Variants in CELF6 observed in about 807,000 individuals in gnomAD.
CELF6 encodes the protein CUGBP Elav-like family member 6.
A neutral mutation model predicts 53.1 loss-of-function variants in CELF6; 32 were observed. The observed-to-expected ratio is 0.60, with a 90% confidence interval of 0.46 to 0.81. The LOEUF (loss-of-function observed/expected upper bound fraction) is 0.81, where lower values mean the gene tolerates loss of function less well. Among genes scored for constraint, CELF6 ranks in the 30% least tolerant of loss-of-function variants. The pLI is 0.00. For synonymous variants in CELF6, 291 were observed against 288.8 expected, an observed-to-expected ratio of 1.01 and a Z score of -0.08; for missense variants, 539 against 669.5, an observed-to-expected ratio of 0.81 and a Z score of 2.15.
At chr15:72,316,688 T>C (rs914874303) in intron 1 of CELF6, among the ~76,000 whole-genome samples, 1 of 152,202 alleles carries the variant, frequency 6.6e-6, no homozygotes, top group Non-Finnish European at 1.5e-5. Flanking sequence ...TTTAGCCCTC[T>C]GTTTGTTCAG....
Position 72,284,946 on chromosome 15 carries a change from C to A in CELF6, c.*1425G>T, listed in dbSNP as rs534697222. The A allele has an allele frequency of 1.8e-4, 28 of 152,752 alleles. No homozygotes were observed. The highest frequency in any genetic ancestry group is 1.0e-3 in the Admixed American group (16 of 15,304). The allele number at this position is 152,752 out of a possible 1,614,324, so 9.5% of individuals were successfully genotyped here. A position where few individuals can be genotyped will look rare whatever the true frequency, so the allele number is the denominator to read the frequency against. On this transcript the variant is annotated 3_prime_UTR_variant, in exon 13 of 13. Coordinates refer to ENST00000287202, the MANE Select transcript of CELF6 (RefSeq NM_052840.5). ...CCTCCTGGGAAAAATATGTGCAAGGCCCTACAGGCCCAGGAAAGGCTGACC... is the reference window on the plus strand; with the variant it reads ...CCTCCTGGGAAAAATATGTGCAAGGACCTACAGGCCCAGGAAAGGCTGACC...
intron 3 of CELF6, among the ~76,000 whole-genome samples, chr15:72,301,754 T>TTTG (rs2088158372): frequency 6.7e-6 from 1 of 148,876 alleles, no homozygotes. Context: ...TTTTTTTTTT[T>TTTG]GAGACAGAGT....
At chr15:72,312,681 G>C (rs1263898095) in intron 2 of CELF6, among the ~76,000 whole-genome samples, 1 of 152,190 alleles carries the variant, frequency 6.6e-6, no homozygotes, top group Non-Finnish European at 1.5e-5. Context: ...TAGGGTTTCA[G>C]ACTTTTCTCT....
Position 72,288,747 on chromosome 15 carries a change from T to C in CELF6, c.1093+121A>G, listed in dbSNP as rs1181366619. 1.5e-5 allele frequency: 20 copies of C among 1,360,288 alleles called. No homozygotes were observed. The highest frequency in any genetic ancestry group is 1.6e-5 in the Non-Finnish European group (16 of 971,124). 84.3% of individuals were successfully genotyped at this position (1,360,288 alleles called of 1,614,324 possible). A position where few individuals can be genotyped will look rare whatever the true frequency, so the allele number is the denominator to read the frequency against. ...ACCCTCACCCCAAGAGAGGTCGTTCTGGGGGTAGGAGGGGATGGGAGGATC... is the reference window on the plus strand; with the variant it reads ...ACCCTCACCCCAAGAGAGGTCGTTCCGGGGGTAGGAGGGGATGGGAGGATC... On this transcript the variant is annotated intron_variant, in intron 9 of 12. Transcript: ENST00000287202. This position sits in a 1 kb window ranked among gnomAD's most constrained non-coding sequence, Gnocchi z 4.6.
chr15:72,311,182 G>A (rs1482018095), intron 2 of CELF6, among the ~76,000 whole-genome samples: 2 of 149,414 alleles, frequency 1.3e-5, no homozygotes, highest in Non-Finnish European at 3.0e-5. Flanking sequence ...TGTATTTTTA[G>A]TAGAGACGGG....
At chr15:72,295,600 G>T (rs1272320211) in intron 3 of CELF6, among the ~76,000 whole-genome samples, 2 of 151,244 alleles carry the variant, frequency 1.3e-5, no homozygotes, top group Non-Finnish European at 2.9e-5. Flanking sequence ...GTGGTGGTGG[G>T]TGCCTGTAAT....
Position 72,320,136 on chromosome 15 carries a change from C to T in CELF6, c.-262G>A, listed in dbSNP as rs1163092193. ...TGGCTTGAGGTCCCCGTGCGGCTCT[C>T]TCTGGGCTCCCGCCCGAGCTCTCCC... On this transcript the variant is annotated 5_prime_UTR_variant, in exon 1 of 13. Transcript: ENST00000287202. The T allele has an allele frequency of 1.6e-6, 1 of 638,974 alleles. No individual in the cohort carries two copies. Among genetic ancestry groups the T allele is most frequent in the Admixed American group, 2.1e-5 (1 of 47,848 alleles). The allele number at this position is 638,974 out of a possible 1,614,324, so 39.6% of individuals were successfully genotyped here. A position where few individuals can be genotyped will look rare whatever the true frequency, so the allele number is the denominator to read the frequency against.
intron 3 of CELF6, among the ~76,000 whole-genome samples, chr15:72,294,746 C>T (rs1029533250): frequency 6.0e-5 from 9 of 150,242 alleles, no homozygotes; most frequent in African/African-American, 2.0e-4. Context: ...GGGAGGCCAA[C>T]GTGGGTGGAT....
In CELF6 at chr15:72,288,962, A is replaced by G. The variant is rs150136841; in HGVS notation, c.1031-32T>C. 5.8e-6 allele frequency: 9 copies of G among 1,542,280 alleles called. No individual in the cohort carries two copies. In the African/African-American group the frequency reaches 1.2e-4, roughly 21 times the overall value. On this transcript the variant is annotated intron_variant, in intron 8 of 12. Transcript: ENST00000287202. The surrounding 1 kb of genome is among the most constrained non-coding windows in gnomAD (Gnocchi z 4.6). ...AGAGAGGGGCGCGAGGCCCACAGTG[A>G]AGGCAAGCGGGCGAGCAGAGTGGGT...
At chr15:72,294,811 C>T (rs1016661050) in intron 3 of CELF6, among the ~76,000 whole-genome samples, 2 of 151,148 alleles carry the variant, frequency 1.3e-5, no homozygotes, top group Non-Finnish European at 2.9e-5. Flanking sequence ...AACCCTGTCT[C>T]TACTAAAAAT....
chr15:72,289,688 T>C lies in CELF6; in HGVS notation c.686A>G (p.His229Arg). 1.3e-6 allele frequency: 2 copies of C among 1,488,704 alleles called. No homozygotes were observed. The highest frequency in any genetic ancestry group is 1.8e-6 in the Non-Finnish European group (2 of 1,129,254). 92.2% of individuals were successfully genotyped at this position (1,488,704 alleles called of 1,614,324 possible). Reference protein sequence around the residue: ...ALRRMQQMAGHLGAFHPAPLP... With the variant: ...ALRRMQQMAGRLGAFHPAPLP... ...TGGCGCGGGGTGGAAGGCGCCCAGG[T>C]GGCCGGCCATCTGCTGCATCCGCCG... The change falls in exon 6 of 13, where the codon CAC (histidine) becomes CGC (arginine). Residue 229 changes from histidine (H) to arginine (R), a missense_variant. Around this residue, in one of 3 missense-constraint regions of CELF6, gnomAD observed 358 missense variants for 412.8 expected, o/e 0.87. Coordinates refer to ENST00000287202, the MANE Select transcript of CELF6 (RefSeq NM_052840.5). The surrounding 1 kb of genome is among the most constrained non-coding windows in gnomAD (Gnocchi z 7.6).
At chr15:72,312,174 A>G (rs2088305345) in intron 2 of CELF6, among the ~76,000 whole-genome samples, 1 of 152,238 alleles carries the variant, frequency 6.6e-6, no homozygotes, top group Non-Finnish European at 1.5e-5. Flanking sequence ...TTCTGGCTTC[A>G]TCAGGAAGAG....
intron 2 of CELF6, among the ~76,000 whole-genome samples, chr15:72,308,730 G>A (rs540618499): frequency 1.1e-4 from 17 of 151,942 alleles, no homozygotes; most frequent in Non-Finnish European, 2.1e-4. Context: ...TTTGGAGACT[G>A]AGTCTCACTC....
At chr15:72,290,877 C>T (rs2087996936) in intron 3 of CELF6, among the ~76,000 whole-genome samples, 1 of 152,182 alleles carries the variant, frequency 6.6e-6, no homozygotes, top group African/African-American at 2.4e-5. Context: ...AACCTGGATG[C>T]CCCTCCCAAA....
At position 72,319,596 on chromosome 15, in the gene CELF6, G is replaced by A. The variant is rs566879170; in HGVS notation, c.262+17C>T. On this transcript the variant is annotated intron_variant, in intron 1 of 12. Coordinates refer to ENST00000287202, the MANE Select transcript of CELF6 (RefSeq NM_052840.5). The surrounding 1 kb of genome is among the most constrained non-coding windows in gnomAD (Gnocchi z 5.0). ...AATCGGATTGGGGCTGGGCTGGGCT[G>A]GGCTGACCCCGCGCACCTTTGTGGA... The A allele has an allele frequency of 1.3e-6, 2 of 1,531,832 alleles. No individual in the cohort carries two copies. The highest frequency in any genetic ancestry group is 2.5e-5 in the East Asian group (1 of 40,790). 94.9% of individuals were successfully genotyped at this position (1,531,832 alleles called of 1,614,324 possible). A position where few individuals can be genotyped will look rare whatever the true frequency, so the allele number is the denominator to read the frequency against.
chr15:72,288,929 G>A lies in CELF6; in HGVS notation c.1032C>T (p.Ala344=). The change falls in exon 9 of 13, where the codon GCC becomes GCT. Residue 344 remains alanine (A), a splice_region_variant and synonymous_variant. Transcript: ENST00000287202. This position sits in a 1 kb window ranked among gnomAD's most constrained non-coding sequence, Gnocchi z 4.6. ...LYNNGLSPYP[A]QSPGVADPLQ... ...GGGGGTCAGCCACGCCGGGGCTCTG[G>A]GCTGGGGAGAGAGGGGCGCGAGGCC... is the stretch of plus-strand genomic sequence containing the variant. 6.5e-7 allele frequency: 1 copy of A among 1,550,338 alleles called. No individual in the cohort carries two copies. Among genetic ancestry groups the A allele is most frequent in the South Asian group, 1.2e-5 (1 of 84,038 alleles).
chr15:72,312,648 A>G (rs2088312894), intron 2 of CELF6, among the ~76,000 whole-genome samples: 1 of 152,162 alleles, frequency 6.6e-6, no homozygotes, highest in African/African-American at 2.4e-5. Flanking sequence ...CAAAAAACAA[A>G]AAACAAACCA....
rs1021540961 is a variant in CELF6, at chr15:72,286,156, C to T, written c.*215G>A. Reference sequence around the variant, plus strand: ...AGTCACTCCTCACCAGCCCTATTTGCTCTGCCAGCCTGCGCTCTATGCTGC... The same window carrying T: ...AGTCACTCCTCACCAGCCCTATTTGTTCTGCCAGCCTGCGCTCTATGCTGC... On this transcript the variant is annotated 3_prime_UTR_variant, in exon 13 of 13. Coordinates refer to ENST00000287202, the MANE Select transcript of CELF6 (RefSeq NM_052840.5). The T allele has an allele frequency of 6.6e-6, 1 of 152,634 alleles. No homozygotes were observed. The highest frequency in any genetic ancestry group is 1.9e-4 in the East Asian group (1 of 5,184). The allele number at this position is 152,634 out of a possible 1,614,324, so 9.5% of individuals were successfully genotyped here.
At chr15:72,306,082 C>A in intron 2 of CELF6, 2 of 984,990 alleles carry the variant, frequency 2.0e-6, no homozygotes, top group Non-Finnish European at 2.4e-6. Flanking sequence ...AATATATCGC[C>A]CCCACATCCC....
Sources: allele counts gnomAD v4.1 joint callset (sites outside exome capture counted in the v4.1 genomes callset), GRCh38; gene constraint gnomAD v4.1.1; regional missense constraint gnomAD v4.1.1; non-coding constraint Gnocchi (gnomAD v3.1); transcripts MANE v1.5; gene names NCBI Gene and HGNC (gene_info 2026-07-23, HGNC 2026-07-21).